The following HECW1 variants were observed in gnomAD, a reference collection of about 807,000 sequenced individuals.
HECW1 encodes E3 ubiquitin-protein ligase HECW1.
A neutral mutation model predicts 182.3 loss-of-function variants in HECW1; 61 were observed. The observed-to-expected ratio is 0.33, with a 90% confidence interval of 0.27 to 0.41. The LOEUF (loss-of-function observed/expected upper bound fraction) is 0.41, where lower values mean the gene tolerates loss of function less well. HECW1 is among the 10% of genes least tolerant of loss of function. The pLI, the probability that HECW1 is intolerant of heterozygous loss-of-function variation, is 1.00. For synonymous variants in HECW1, 859 were observed against 832.6 expected (o/e 1.03, Z -0.55); for missense variants, 1,739 against 2,108.9 (o/e 0.82, Z 3.44).
intron 2 of HECW1, among the ~76,000 whole-genome samples, chr7:43,183,727 A>G (rs1464229535): frequency 6.6e-6 from 1 of 152,208 alleles, no homozygotes; most frequent in African/African-American, 2.4e-5. Flanking sequence ...TATAATTCAA[A>G]TTGAATGTTG....
chr7:43,558,849 G>A (rs1327081716), intron 29 of HECW1, among the ~76,000 whole-genome samples: 1 of 152,154 alleles, frequency 6.6e-6, no homozygotes, highest in African/African-American at 2.4e-5. Flanking sequence ...TGGAGCAGGT[G>A]GAGCGGTATG....
At chr7:43,346,592 C>T (rs936543940) in intron 5 of HECW1, among the ~76,000 whole-genome samples, 1 of 152,042 alleles carries the variant, frequency 6.6e-6, no homozygotes, top group African/African-American at 2.4e-5. Context: ...AAAGTTTTTT[C>T]AATGTTATCT....
intron 6 of HECW1, among the ~76,000 whole-genome samples, chr7:43,362,590 C>T (rs1816104065): frequency 6.6e-6 from 1 of 152,206 alleles, no homozygotes; most frequent in Non-Finnish European, 1.5e-5. Context: ...AAAGAGGGTA[C>T]CCCTTAAAAC....
At chr7:43,205,989 C>G (rs1034997058) in intron 2 of HECW1, among the ~76,000 whole-genome samples, 6 of 152,308 alleles carry the variant, frequency 3.9e-5, no homozygotes, top group African/African-American at 1.4e-4. Context: ...AGGACACCCT[C>G]TCTCCCCTGC....
At position 43,450,659 on chromosome 7, in the gene HECW1, T is replaced by C. The variant is rs201420866; in HGVS notation, c.2399-169T>C. 5.9e-5 allele frequency among the ~76,000 whole-genome samples: 9 copies of C among 152,320 alleles called. No individual in the cohort carries two copies. The East Asian group carries it at 7.7e-4, about 13-fold the overall frequency. Reference sequence around the variant, plus strand: ...ATTTTCTTCTTTTTTAAAAAAATATTTCCCCCCTCACGAATGACTGTGAAT... The same window carrying C: ...ATTTTCTTCTTTTTTAAAAAAATATCTCCCCCCTCACGAATGACTGTGAAT... On this transcript the variant is annotated intron_variant, in intron 11 of 29. Transcript: ENST00000395891.
At chr7:43,199,839 G>A (rs1239348028) in intron 2 of HECW1, among the ~76,000 whole-genome samples, 3 of 151,938 alleles carry the variant, frequency 2.0e-5, no homozygotes, top group Non-Finnish European at 2.9e-5. Context: ...AGACAGTTTT[G>A]GCATAAATTC....
chr7:43,166,865 C>T (rs1200706355), intron 2 of HECW1, among the ~76,000 whole-genome samples: 2 of 152,198 alleles, frequency 1.3e-5, no homozygotes, highest in African/African-American at 4.8e-5. Flanking sequence ...CATGGCTGGT[C>T]ATGGGTGATG....
At chr7:43,241,837 C>CA (rs1309323818) in intron 2 of HECW1, among the ~76,000 whole-genome samples, 2 of 151,958 alleles carry the variant, frequency 1.3e-5, no homozygotes, top group Admixed American at 6.5e-5. Flanking sequence ...TTAAAACTGT[C>CA]AAAAAATAAT....
At chr7:43,428,679 A>G (rs544967207) in intron 8 of HECW1, among the ~76,000 whole-genome samples, 1 of 152,334 alleles carries the variant, frequency 6.6e-6, no homozygotes, top group East Asian at 1.9e-4. Flanking sequence ...ATGACAGTTT[A>G]TCAACAAAGC....
intron 3 of HECW1, among the ~76,000 whole-genome samples, chr7:43,283,180 A>G (rs181831667): frequency 1.3e-5 from 2 of 152,216 alleles, no homozygotes; most frequent in East Asian, 3.9e-4. Flanking sequence ...GGACCCCTGG[A>G]AGGCCCCCAG....
At chr7:43,135,008 CTG>C (rs1274357902) in intron 2 of HECW1, among the ~76,000 whole-genome samples, 12 of 152,124 alleles carry the variant, frequency 7.9e-5, no homozygotes, top group African/African-American at 1.9e-4. Flanking sequence ...TTTGCCTACT[CTG>C]TGAAGGAAAA....
chr7:43,412,325 AT>A (rs1194598836), intron 8 of HECW1, among the ~76,000 whole-genome samples: 2 of 152,032 alleles, frequency 1.3e-5, no homozygotes, highest in Admixed American at 6.6e-5. Context: ...GATGTTAAAA[AT>A]TTTTGCTTTA....
At chr7:43,184,795 A>G (rs957177901) in intron 2 of HECW1, among the ~76,000 whole-genome samples, 2 of 152,174 alleles carry the variant, frequency 1.3e-5, no homozygotes, top group Admixed American at 1.3e-4. Context: ...TGTTCAGGAA[A>G]CACGATGCTG....
chr7:43,468,664 G>A (rs2152898933), intron 15 of HECW1, among the ~76,000 whole-genome samples: 1 of 152,266 alleles, frequency 6.6e-6, no homozygotes, highest in East Asian at 1.9e-4. Flanking sequence ...GGGATCACAA[G>A]CACATGCCAC....
chr7:43,292,337 C>T (rs557777091), intron 3 of HECW1, among the ~76,000 whole-genome samples: 40 of 152,294 alleles, frequency 2.6e-4, no homozygotes, highest in Middle Eastern at 6.8e-3. Context: ...TTAAGTTTTA[C>T]GGCCAGCACT....
chr7:43,367,015 G>A (rs1816736523), intron 6 of HECW1, among the ~76,000 whole-genome samples: 1 of 152,094 alleles, frequency 6.6e-6, no homozygotes, highest in Admixed American at 6.6e-5. Flanking sequence ...GCACAAAGAG[G>A]GACTTGGGGA....
intron 5 of HECW1, among the ~76,000 whole-genome samples, chr7:43,356,403 T>G (rs1815140825): frequency 6.6e-6 from 1 of 152,058 alleles, no homozygotes. Context: ...CTCCCAAATA[T>G]GTAAAGCAAA....
chr7:43,206,860 A>G (rs761747578), intron 2 of HECW1, among the ~76,000 whole-genome samples: 19 of 151,378 alleles, frequency 1.3e-4, no homozygotes, highest in African/African-American at 1.7e-4. Context: ...AGAATGAAAA[A>G]CTCTCTCGGT....
At chr7:43,271,965 T>G (rs561930752) in intron 3 of HECW1, among the ~76,000 whole-genome samples, 204 of 152,102 alleles carry the variant, frequency 1.3e-3, no homozygotes, top group African/African-American at 4.8e-3. Flanking sequence ...AAGGCTACAG[T>G]AACCAAAACA....
Sources: gnomAD v4.1 joint callset for allele counts (sites outside exome capture counted in the v4.1 genomes callset) on GRCh38, gnomAD v4.1.1 for gene constraint, MANE v1.5 for transcripts, NCBI Gene and HGNC (gene_info 2026-07-23, HGNC 2026-07-21) for gene names.